The following PFAS variants were observed in gnomAD, a reference collection of about 807,000 sequenced individuals.
PFAS encodes phosphoribosylformylglycinamidine synthase.
Under a neutral mutation model 140.6 loss-of-function variants are expected in PFAS, and 97 were observed. That is an observed-to-expected ratio of 0.69 (90% CI 0.59 to 0.82). PFAS has a LOEUF of 0.82. Ranked by LOEUF, PFAS falls within the 40% of genes least tolerant of loss-of-function variation. The pLI, the probability that PFAS is intolerant of heterozygous loss-of-function variation, is 0.00. For synonymous variants in PFAS, 679 were observed against 718.8 expected (o/e 0.94, Z 0.88); for missense variants, 1,656 against 1,780.2 (o/e 0.93, Z 1.26).
chr17:8,260,551 T>C (rs1245298503), intron 11 of PFAS, among the ~76,000 whole-genome samples: 1 of 152,244 alleles, frequency 6.6e-6, no homozygotes, highest in Admixed American at 6.5e-5. Context: ...TGGTGGACAT[T>C]GGGGTTGTTT....
rs188752203 is a variant in PFAS at position 8,265,389 on chromosome 17, C to A, written c.2382C>A (p.Ala794=). The part of the protein sequence containing the change: ...ACEAMVAVMA[A]LGVAVDGGKD... ...AGGCTATGGTGGCAGTGATGGCAGC[C>A]CTGGGTGTGGCAGTGGATGGTGGCA... The change falls in exon 19 of 28, where the codon GCC becomes GCA. Residue 794 remains alanine, a synonymous_variant. Transcript: ENST00000314666. 1 of 1,614,180 alleles carries A rather than the reference C, an allele frequency of 6.2e-7. No homozygotes were observed. The highest frequency in any genetic ancestry group is 2.2e-5 in the East Asian group (1 of 44,880).
Position 8,256,718 on chromosome 17 carries a change from G to A in PFAS, c.946+70G>A, listed in dbSNP as rs966618583. The A allele has an allele frequency of 7.6e-6, 12 of 1,570,734 alleles. No individual in the cohort carries two copies. In the East Asian group the frequency reaches 2.2e-4, roughly 29 times the overall value. On this transcript the variant is annotated intron_variant, in intron 8 of 27. Transcript: ENST00000314666. ...GTAGGGCAAAGGTCCCAGGCCCCTGGAGTGGGCCTGGGGAAAATAATCAGG... is the reference window on the plus strand; with the variant it reads ...GTAGGGCAAAGGTCCCAGGCCCCTGAAGTGGGCCTGGGGAAAATAATCAGG...
chr17:8,257,352 C>G (rs1344486136), intron 9 of PFAS, among the ~76,000 whole-genome samples: 1 of 151,768 alleles, frequency 6.6e-6, no homozygotes, highest in Non-Finnish European at 1.5e-5. Flanking sequence ...GTCAGGAGAT[C>G]AAAACCATCC....
rs1182071168 is a variant in PFAS at position 8,255,011 on chromosome 17, C to G, written c.279-16C>G. On this transcript the variant is annotated splice_polypyrimidine_tract_variant and intron_variant, in intron 3 of 27. Transcript: ENST00000314666. ...CCGGGGGTTCTCCAGTCCTAACCATCAGGCCCATTGTTCAGGCTGAACTTC... is the reference window on the plus strand; with the variant it reads ...CCGGGGGTTCTCCAGTCCTAACCATGAGGCCCATTGTTCAGGCTGAACTTC... 8 of 1,593,262 alleles carry G rather than the reference C, an allele frequency of 5.0e-6. No homozygotes were observed. The highest frequency in any genetic ancestry group is 6.9e-6 in the Non-Finnish European group (8 of 1,161,254).
At position 8,254,273 on chromosome 17, in the gene PFAS, A is replaced by G; in HGVS notation, c.250A>G (p.Asn84Asp). 6.2e-7 allele frequency: 1 copy of G among 1,614,106 alleles called. No homozygotes were observed. The highest frequency in any genetic ancestry group is 8.5e-7 in the Non-Finnish European group (1 of 1,180,008). ...ARESWLLPGS[N>D]DLLLEVGPRL... ...GGAGTCCTGGCTCCTTCCTGGCTCC[A>G]ATGACCTGCTGCTGGAGGTCGGGCC... Residue 84 changes from asparagine (N) to aspartate (D), a missense_variant, in exon 3 of 28, where the codon AAT becomes GAT. This residue lies in a region of PFAS where 773 missense variants were observed against 757.3 expected (regional missense o/e 1.02). Coordinates refer to ENST00000314666, the MANE Select transcript of PFAS (RefSeq NM_012393.3).
intron 2 of PFAS, 43 bp from the exon 3 acceptor site, chr17:8,254,123 T>G (rs769952149): frequency 6.2e-7 from 1 of 1,613,848 alleles, no homozygotes; most frequent in African/African-American, 1.3e-5. Flanking sequence ...GCCTCGGTGC[T>G]GGGGGCAGTG....
At chr17:8,262,812 G>A in intron 11 of PFAS, 108 bp from the exon 12 acceptor site, 1 of 841,228 alleles carries the variant, frequency 1.2e-6, no homozygotes, top group South Asian at 1.5e-5. Context: ...AAAAAAGCTG[G>A]TCAGGCTTCT....
In PFAS at chr17:8,249,338, A is replaced by G. The variant is rs1182938812; in HGVS notation, c.-81A>G. ...CTCTGTGGCCGCGAGTGCATCTTCC[A>G]CGTGAGTATAGTTACCGCGTGCGGA... On this transcript the variant is annotated splice_region_variant and 5_prime_UTR_variant, in exon 1 of 28. Coordinates refer to ENST00000314666, the MANE Select transcript of PFAS (RefSeq NM_012393.3). 1.3e-5 allele frequency: 2 copies of G among 152,330 alleles called. No individual in the cohort carries two copies. Among genetic ancestry groups the G allele is most frequent in the East Asian group, 3.9e-4 (2 of 5,180 alleles). The allele number at this position is 152,330 out of a possible 1,614,324, so 9.4% of individuals were successfully genotyped here.
At chr17:8,254,349 C>T in intron 3 of PFAS, 48 bp downstream of exon 3, 3 of 1,605,590 alleles carry the variant, frequency 1.9e-6, no homozygotes, top group Non-Finnish European at 2.6e-6. Context: ...TCCTTTGCTT[C>T]CTCTTGTGAT....
At position 8,266,032 on chromosome 17, in the gene PFAS, C is replaced by T. The variant is rs112600059; in HGVS notation, c.2701+15C>T. On this transcript the variant is annotated intron_variant, in intron 21 of 27. Transcript: ENST00000314666. This position sits in a 1 kb window ranked among gnomAD's most constrained non-coding sequence, Gnocchi z 5.0. ...GCTGCTGAAAGGTGAGTGAAGACCCCTGGGGAGATAGCGCACAGGGTGCCA... is the reference window on the plus strand; with the variant it reads ...GCTGCTGAAAGGTGAGTGAAGACCCTTGGGGAGATAGCGCACAGGGTGCCA... 0.015 allele frequency: 23,985 copies of T among 1,590,856 alleles called. 237 individuals are homozygous for T. Among genetic ancestry groups the T allele is most frequent in the Middle Eastern group, 0.036 (212 of 5,894 alleles).
intron 1 of PFAS, among the ~76,000 whole-genome samples, chr17:8,252,964 A>T (rs75769695): frequency 1.6e-4 from 25 of 152,284 alleles, no homozygotes; most frequent in African/African-American, 5.8e-4. Flanking sequence ...GTTTGGTGAG[A>T]TTAGTAGCTC....
chr17:8,258,208 C>G lies in PFAS; in HGVS notation c.1336+9C>G. ...GGAGGCCCCAGAGCCAGGTAAGAGCCTGCCACCTTTCTCTGGATCCAGCCA... is the reference window on the plus strand; with the variant it reads ...GGAGGCCCCAGAGCCAGGTAAGAGCGTGCCACCTTTCTCTGGATCCAGCCA... On this transcript the variant is annotated intron_variant, in intron 11 of 27. Transcript: ENST00000314666. 6.2e-7 allele frequency: 1 copy of G among 1,613,630 alleles called. No homozygotes were observed. Among genetic ancestry groups the G allele is most frequent in the South Asian group, 1.1e-5 (1 of 91,056 alleles).
chr17:8,269,512 G>C lies in PFAS; in HGVS notation c.*248G>C. On this transcript the variant is annotated 3_prime_UTR_variant, in exon 28 of 28. Transcript: ENST00000314666. Reference sequence around the variant, plus strand: ...AGCCCAGGAAACAGCATGTGGTTCAGAGAAAAGAGCGACAAGGAAAAGTTA... The same window carrying C: ...AGCCCAGGAAACAGCATGTGGTTCACAGAAAAGAGCGACAAGGAAAAGTTA... 1 of 472,426 alleles carries C rather than the reference G, an allele frequency of 2.1e-6. No homozygotes were observed. Among genetic ancestry groups the C allele is most frequent in the Non-Finnish European group, 3.8e-6 (1 of 265,728 alleles). The allele number at this position is 472,426 out of a possible 1,614,324, so 29.3% of individuals were successfully genotyped here.
In PFAS at chr17:8,266,151, C is replaced by T. The variant is rs1989803960; in HGVS notation, c.2702-83C>T. ...ATCCCCTGACATTCTGACACACACT[C>T]TTGATGGACTGACTCCGGAAGGTGG... On this transcript the variant is annotated intron_variant, in intron 21 of 27. Coordinates refer to ENST00000314666, the MANE Select transcript of PFAS (RefSeq NM_012393.3). The surrounding 1 kb of genome is among the most constrained non-coding windows in gnomAD (Gnocchi z 5.0). The T allele has an allele frequency of 6.3e-6, 10 of 1,583,762 alleles. No homozygotes were observed. Among genetic ancestry groups the T allele is most frequent in the Non-Finnish European group, 7.7e-6 (9 of 1,162,316 alleles).
Position 8,263,799 on chromosome 17 carries a change from C to G in PFAS, c.1654C>G (p.Leu552Val). The G allele has an allele frequency of 6.2e-7, 1 of 1,614,140 alleles. No individual in the cohort carries two copies. The highest frequency in any genetic ancestry group is 8.5e-7 in the Non-Finnish European group (1 of 1,179,996). ...FQLGDPTLNA[L>V]EIWGAEYQES... ...GCTTGGGGACCCAACCCTGAATGCC[C>G]TGGAAATCTGGGGGGCTGAGTACCA... The change falls in exon 15 of 28, where the codon CTG becomes GTG. Residue 552 changes from leucine (L) to valine (V), a missense_variant. This residue lies in a region of PFAS where 773 missense variants were observed against 757.3 expected (regional missense o/e 1.02). Transcript: ENST00000314666.
chr17:8,260,036 G>A (rs753814736), intron 11 of PFAS, among the ~76,000 whole-genome samples: 1 of 152,048 alleles, frequency 6.6e-6, no homozygotes, highest in Non-Finnish European at 1.5e-5. Context: ...GGGAGGTGGA[G>A]GTTGCAGTGA....
Position 8,267,368 on chromosome 17 carries a change from C to A in PFAS, c.3176-4C>A, listed in dbSNP as rs905687081. On this transcript the variant is annotated splice_polypyrimidine_tract_variant and splice_region_variant and intron_variant, in intron 24 of 27. Transcript: ENST00000314666. The surrounding 1 kb of genome is among the most constrained non-coding windows in gnomAD (Gnocchi z 4.9). Reference sequence around the variant, plus strand: ...TGGCCCAAAGACACTTATTCTCCCCCAAGGTGGTCCCAGCCCCCGAGTCGC... The same window carrying A: ...TGGCCCAAAGACACTTATTCTCCCCAAAGGTGGTCCCAGCCCCCGAGTCGC... 4 of 1,613,386 alleles carry A rather than the reference C, an allele frequency of 2.5e-6. No individual in the cohort carries two copies. Among genetic ancestry groups the A allele is most frequent in the South Asian group, 1.1e-5 (1 of 91,088 alleles).
rs757093050 is a variant in PFAS, at chr17:8,258,180, C to T, written c.1317C>T (p.Ser439=). 4.3e-6 allele frequency: 7 copies of T among 1,613,942 alleles called. No individual in the cohort carries two copies. The highest frequency in any genetic ancestry group is 5.1e-6 in the Non-Finnish European group (6 of 1,180,030). ...GIGSMEADHI[S]KEAPEPGMEV... ...GGTCCATGGAAGCTGACCACATAAG[C>T]AAGGAGGCCCCAGAGCCAGGTAAGA... Residue 439 remains serine (S), a synonymous_variant, in exon 11 of 28, where the codon AGC becomes AGT. Transcript: ENST00000314666.
Position 8,266,386 on chromosome 17 carries a change from G to A in PFAS, c.2821+33G>A. On this transcript the variant is annotated intron_variant, in intron 22 of 27. Transcript: ENST00000314666. This position sits in a 1 kb window ranked among gnomAD's most constrained non-coding sequence, Gnocchi z 5.0. ...ACCTGGGGTCTAGTCTCAGGCCCGGGCTGCCTTCTCTACCCTGCAGACCCC... is the reference window on the plus strand; with the variant it reads ...ACCTGGGGTCTAGTCTCAGGCCCGGACTGCCTTCTCTACCCTGCAGACCCC... The A allele has an allele frequency of 6.2e-7, 1 of 1,613,398 alleles. No individual in the cohort carries two copies. The highest frequency in any genetic ancestry group is 8.5e-7 in the Non-Finnish European group (1 of 1,179,650).
Sources: allele counts gnomAD v4.1 joint callset (sites outside exome capture counted in the v4.1 genomes callset), GRCh38; gene constraint gnomAD v4.1.1; regional missense constraint gnomAD v4.1.1; non-coding constraint Gnocchi (gnomAD v3.1); transcripts MANE v1.5; gene names NCBI Gene and HGNC (gene_info 2026-07-23, HGNC 2026-07-21).